SLC41A2: variants seen among roughly 807,000 people sequenced by gnomAD.
SLC41A2 encodes solute carrier family 41 member 2, also known as SLC41A1-like 1.
Under a neutral mutation model 58.3 loss-of-function variants are expected in SLC41A2, and 32 were observed. The ratio of observed to expected loss-of-function variants is 0.55; its 90% CI spans 0.41 to 0.74. The LOEUF (loss-of-function observed/expected upper bound fraction) is 0.74, where lower values mean the gene tolerates loss of function less well. Ranked by LOEUF, SLC41A2 falls within the 30% of genes least tolerant of loss-of-function variation. The pLI, the probability that SLC41A2 is intolerant of heterozygous loss-of-function variation, is 0.00. For missense variants in SLC41A2, 514 were observed against 680.6 expected, an observed-to-expected ratio of 0.76 and a Z score of 2.72; for synonymous variants, 190 against 235.0, an observed-to-expected ratio of 0.81 and a Z score of 1.75.
At chr12:104,866,614 C>T (rs757125218) in intron 6 of SLC41A2, 35 bp from the exon 7 acceptor site, 5 of 1,470,612 alleles carry the variant, frequency 3.4e-6, no homozygotes, top group Non-Finnish European at 3.7e-6. Context: ...AGAGAGACAA[C>T]ATTTAAATCT....
At chr12:104,825,852 A>C (rs2087910041) in intron 10 of SLC41A2, among the ~76,000 whole-genome samples, 1 of 152,204 alleles carries the variant, frequency 6.6e-6, no homozygotes, top group African/African-American at 2.4e-5. Flanking sequence ...TTATGGCATG[A>C]ACAGTCCCTG....
At chr12:104,806,292 C>A (rs1476950856) in intron 10 of SLC41A2, among the ~76,000 whole-genome samples, 1 of 151,810 alleles carries the variant, frequency 6.6e-6, no homozygotes, top group African/African-American at 2.4e-5. Context: ...TCAATTCCCA[C>A]CTATGAGTGA....
intron 10 of SLC41A2, among the ~76,000 whole-genome samples, chr12:104,812,788 C>A (rs2041231283): frequency 6.6e-6 from 1 of 151,468 alleles, no homozygotes; most frequent in Non-Finnish European, 1.5e-5. Flanking sequence ...GGCAAGTGGG[C>A]AAATTATCTG....
intron 2 of SLC41A2, among the ~76,000 whole-genome samples, chr12:104,925,742 T>C (rs1347372542): frequency 6.6e-6 from 1 of 152,174 alleles, no homozygotes; most frequent in East Asian, 1.9e-4. Flanking sequence ...AGATACATAA[T>C]GAGCTATATA....
At chr12:104,817,593 CTCT>C (rs1008249158) in intron 10 of SLC41A2, among the ~76,000 whole-genome samples, 1 of 151,108 alleles carries the variant, frequency 6.6e-6, no homozygotes, top group Non-Finnish European at 1.5e-5. Flanking sequence ...TTTGCCTCTC[CTCT>C]TTTTTTTTCT....
chr12:104,829,377 G>A (rs1343474231), intron 10 of SLC41A2, among the ~76,000 whole-genome samples: 1 of 152,126 alleles, frequency 6.6e-6, no homozygotes, highest in Non-Finnish European at 1.5e-5. Flanking sequence ...ATTATGTTGA[G>A]TAAAAGGAGG....
intron 10 of SLC41A2, among the ~76,000 whole-genome samples, chr12:104,828,632 C>T (rs572612537): frequency 4.0e-4 from 61 of 152,222 alleles, no homozygotes; most frequent in African/African-American, 1.4e-3. Flanking sequence ...AGAAGCGAGC[C>T]ATACCCCCAT....
At chr12:104,806,239 G>T (rs9737969) in intron 10 of SLC41A2, among the ~76,000 whole-genome samples, 1 of 141,404 alleles carries the variant, frequency 7.1e-6, no homozygotes, top group East Asian at 2.3e-4. Context: ...AACAGGCCCC[G>T]GTGTGTGATG....
intron 10 of SLC41A2, among the ~76,000 whole-genome samples, chr12:104,810,137 T>C (rs1396623428): frequency 6.6e-6 from 1 of 152,084 alleles, no homozygotes; most frequent in African/African-American, 2.4e-5. Context: ...GTATATAATA[T>C]GTTGCTTCAG....
intron 8 of SLC41A2, among the ~76,000 whole-genome samples, chr12:104,847,399 C>T (rs1033038809): frequency 6.6e-6 from 1 of 151,730 alleles, no homozygotes; most frequent in Non-Finnish European, 1.5e-5. Context: ...GTTAGGAAAT[C>T]AAGACCATGC....
chr12:104,805,346 G>A lies in SLC41A2; in HGVS notation c.1537-9C>T. ...CACAGCAAGGTAAATACCTAGAAGA[G>A]AACAACAGAGATTACTCCGGCTGCC... On this transcript the variant is annotated splice_polypyrimidine_tract_variant and intron_variant, in intron 10 of 10. Coordinates refer to ENST00000258538, the MANE Select transcript of SLC41A2 (RefSeq NM_001352171.3). 1.2e-6 allele frequency: 2 copies of A among 1,607,772 alleles called. No individual in the cohort carries two copies. The highest frequency in any genetic ancestry group is 1.7e-4 in the Middle Eastern group (1 of 5,992).
At chr12:104,909,500 A>C (rs543869597) in intron 3 of SLC41A2, among the ~76,000 whole-genome samples, 155 bp downstream of exon 3, 7 of 152,318 alleles carry the variant, frequency 4.6e-5, no homozygotes, top group Admixed American at 3.3e-4. Flanking sequence ...CAGATGAGAC[A>C]ATATTTCAGA....
Position 104,804,171 on chromosome 12 carries a change from A to AT in SLC41A2, c.*980_*981insA, listed in dbSNP as rs2040810856. ...AAAAAAAAAAAAAAAAAAAAAAAAG[A>AT]ATATAGGTAACAAATAGTAAATTCT... On this transcript the variant is annotated 3_prime_UTR_variant, in exon 11 of 11. Coordinates refer to ENST00000258538, the MANE Select transcript of SLC41A2 (RefSeq NM_001352171.3). 1 of 142,006 alleles carries AT rather than the reference A, an allele frequency of 7.0e-6. No homozygotes were observed. Among genetic ancestry groups the AT allele is most frequent in the Non-Finnish European group, 1.5e-5 (1 of 64,928 alleles). The allele number at this position is 142,006 out of a possible 1,614,324, so 8.8% of individuals were successfully genotyped here.
intron 10 of SLC41A2, among the ~76,000 whole-genome samples, chr12:104,827,871 A>G (rs1870975767): frequency 6.6e-6 from 1 of 152,164 alleles, no homozygotes; most frequent in South Asian, 2.1e-4. Context: ...ATGATACAGA[A>G]GTGCTGGGAA....
In SLC41A2 at chr12:104,858,343, C is replaced by T. The variant is rs912789705; in HGVS notation, c.1255+2948G>A. 3.3e-5 allele frequency among the ~76,000 whole-genome samples: 5 copies of T among 152,084 alleles called. No individual in the cohort carries two copies. In the South Asian group the frequency reaches 1.0e-3, roughly 32 times the overall value. On this transcript the variant is annotated intron_variant, in intron 8 of 10. Transcript: ENST00000258538. ...AAAATCACAGGCTTTAGAATAGACCCGATCTGGTTTTCAATCGTGACTCAC... is the reference window on the plus strand; with the variant it reads ...AAAATCACAGGCTTTAGAATAGACCTGATCTGGTTTTCAATCGTGACTCAC...
intron 2 of SLC41A2, among the ~76,000 whole-genome samples, chr12:104,924,229 T>A (rs369839900): frequency 1.3e-5 from 2 of 152,186 alleles, no homozygotes. Context: ...CCACTCCACA[T>A]GTGCCAGAAT....
chr12:104,943,242 T>G (rs914379245), intron 1 of SLC41A2, among the ~76,000 whole-genome samples: 37 of 152,126 alleles, frequency 2.4e-4, no homozygotes, highest in Admixed American at 2.4e-3. Context: ...CAAAATTATC[T>G]TTTTAAGAAA....
intron 10 of SLC41A2, among the ~76,000 whole-genome samples, chr12:104,815,913 G>A (rs185180431): frequency 6.6e-6 from 1 of 152,142 alleles, no homozygotes; most frequent in East Asian, 1.9e-4. Context: ...GGTGGCAGGT[G>A]GGGGAAGGTG....
intron 6 of SLC41A2, among the ~76,000 whole-genome samples, chr12:104,874,687 G>A (rs1384123745): frequency 6.6e-6 from 1 of 151,990 alleles, no homozygotes; most frequent in East Asian, 1.9e-4. Context: ...TTACTTCTGG[G>A]CTCTCTATCC....
Sources: gnomAD v4.1 joint callset for allele counts (sites outside exome capture counted in the v4.1 genomes callset) on GRCh38, gnomAD v4.1.1 for gene constraint, MANE v1.5 for transcripts, NCBI Gene and HGNC (gene_info 2026-07-23, HGNC 2026-07-21) for gene names.